SALL2: variants seen among roughly 807,000 people sequenced by gnomAD.
SALL2 encodes sal-like protein 2.
SALL2 carries 32 observed loss-of-function variants against 58.5 expected under a neutral mutation model. That is an observed-to-expected ratio of 0.55 (90% CI 0.41 to 0.74). SALL2 has a LOEUF of 0.74. Among genes scored for constraint, SALL2 ranks in the 30% least tolerant of loss-of-function variants. SALL2 has a pLI of 0.00. For synonymous variants in SALL2, 516 were observed against 513.6 expected (o/e 1.00, Z -0.06); for missense variants, 1,201 against 1,268.9 (o/e 0.95, Z 0.81).
At position 21,521,723 on chromosome 14, in the gene SALL2, C is replaced by A. The variant is rs369198460; in HGVS notation, c.*981G>T. 14 of 365,972 alleles carry A rather than the reference C, an allele frequency of 3.8e-5. No individual in the cohort carries two copies. In the South Asian group the frequency reaches 5.5e-4, roughly 14 times the overall value. The allele number at this position is 365,972 out of a possible 1,614,324, so 22.7% of individuals were successfully genotyped here. On this transcript the variant is annotated 3_prime_UTR_variant, in exon 2 of 2. Coordinates refer to ENST00000537235, the MANE Select transcript of SALL2 (RefSeq NM_001364564.1). The stretch of plus-strand genomic sequence containing the variant: ...TGACCAAAAATGCTCCTTAAAGATA[C>A]GAACTTCACATTTCCCAAATATCTC...
Position 21,525,398 on chromosome 14 carries a change from G to A in SALL2, c.324C>T (p.Pro108=), listed in dbSNP as rs1234751226. Residue 108 remains proline (P), a synonymous_variant, in exon 2 of 2, where the codon CCC becomes CCT. Coordinates refer to ENST00000537235, the MANE Select transcript of SALL2 (RefSeq NM_001364564.1). The surrounding 1 kb of genome is among the most constrained non-coding windows in gnomAD (Gnocchi z 4.4). ...CTCCTCTCCTCTCTGGGCCCCAGGT[G>A]GGATCCGTGGGCACGGAGGACCCAG... The part of the protein sequence containing the change: ...PDSGSSVPTD[P]TWGPERRGEE... 6.2e-7 allele frequency: 1 copy of A among 1,614,064 alleles called. No homozygotes were observed. Among genetic ancestry groups the A allele is most frequent in the Admixed American group, 1.7e-5 (1 of 60,006 alleles).
In SALL2 at chr14:21,522,375, T is replaced by A; in HGVS notation, c.*329A>T. ...GCAATGCCAAATGTAGGTGCTCAGGTGCACCTACCAAAGGGAAAGGGAGAG... is the reference window on the plus strand; with the variant it reads ...GCAATGCCAAATGTAGGTGCTCAGGAGCACCTACCAAAGGGAAAGGGAGAG... On this transcript the variant is annotated 3_prime_UTR_variant, in exon 2 of 2. Coordinates refer to ENST00000537235, the MANE Select transcript of SALL2 (RefSeq NM_001364564.1). 1 of 1,432,652 alleles carries A rather than the reference T, an allele frequency of 7.0e-7. No homozygotes were observed. The highest frequency in any genetic ancestry group is 9.1e-7 in the Non-Finnish European group (1 of 1,096,472). 88.7% of individuals were successfully genotyped at this position (1,432,652 alleles called of 1,614,324 possible). A position where few individuals can be genotyped will look rare whatever the true frequency, so the allele number is the denominator to read the frequency against.
At chr14:21,527,900 C>T (rs958799608), upstream of SALL2, among the ~76,000 whole-genome samples, 2 of 151,132 alleles carry the variant, frequency 1.3e-5, no homozygotes, top group Non-Finnish European at 2.9e-5. Flanking sequence ...GTAATCCCAG[C>T]ACTTTGGGAG....
chr14:21,522,035 A>C lies in SALL2; in HGVS notation c.*669T>G. 1.3e-6 allele frequency: 2 copies of C among 1,594,908 alleles called. No homozygotes were observed. Among genetic ancestry groups the C allele is most frequent in the Non-Finnish European group, 8.5e-7 (1 of 1,178,232 alleles). ...ACTTCTTGTCTATGATGGGCTTCTC[A>C]GGCACTGCCTTGGGTGCAGGAGGCT... is the stretch of plus-strand genomic sequence containing the variant. On this transcript the variant is annotated 3_prime_UTR_variant, in exon 2 of 2. Coordinates refer to ENST00000537235, the MANE Select transcript of SALL2 (RefSeq NM_001364564.1).
At chr14:21,526,547 C>A (rs546140955), upstream of SALL2, 6 of 1,113,364 alleles carry the variant, frequency 5.4e-6, no homozygotes, top group South Asian at 7.1e-5. Context: ...CCAGCTCCCC[C>A]CATCTGCAGA....
upstream of SALL2, among the ~76,000 whole-genome samples, chr14:21,529,662 G>A (rs1892407528): frequency 6.6e-6 from 1 of 151,892 alleles, no homozygotes; most frequent in Non-Finnish European, 1.5e-5. Flanking sequence ...AGAAAAGAAA[G>A]TTTAAGCACA....
At chr14:21,529,941 A>T (rs537043707), upstream of SALL2, among the ~76,000 whole-genome samples, 1 of 152,348 alleles carries the variant, frequency 6.6e-6, no homozygotes, top group East Asian at 1.9e-4. Flanking sequence ...TGACACAATG[A>T]TGAGACCCAC....
In SALL2 at chr14:21,522,330, C is replaced by T. The variant is rs1032118356; in HGVS notation, c.*374G>A. 6.8e-6 allele frequency: 10 copies of T among 1,466,772 alleles called. No individual in the cohort carries two copies. The highest frequency in any genetic ancestry group is 9.0e-6 in the Non-Finnish European group (10 of 1,110,758). The allele number at this position is 1,466,772 out of a possible 1,614,324, so 90.9% of individuals were successfully genotyped here. On this transcript the variant is annotated 3_prime_UTR_variant, in exon 2 of 2. Coordinates refer to ENST00000537235, the MANE Select transcript of SALL2 (RefSeq NM_001364564.1). ...CACTGGGCCCTCCAGAGACAGCTGC[C>T]AGCCCTTTTTGGCTAGGCTGCAATG...
chr14:21,526,411 A>T, upstream of SALL2: 1 of 1,247,096 alleles, frequency 8.0e-7, no homozygotes, highest in Non-Finnish European at 1.0e-6. Flanking sequence ...CGGGAGCTAG[A>T]GGAGGCGGGA....
In SALL2 at chr14:21,524,635, G is replaced by A. The variant is rs763689725; in HGVS notation, c.1087C>T (p.Pro363Ser). The A allele has an allele frequency of 7.4e-6, 12 of 1,614,044 alleles. No homozygotes were observed. The highest frequency in any genetic ancestry group is 1.6e-4 in the Middle Eastern group (1 of 6,084). ...GELSYGEVMG[P>S]LEKPGGRHKC... Reference sequence around the variant, plus strand: ...TGCCTTCCACCAGGCTTCTCCAAGGGACCCATCACTTCTCCGTAGCTCAGC... The same window carrying A: ...TGCCTTCCACCAGGCTTCTCCAAGGAACCCATCACTTCTCCGTAGCTCAGC... The change falls in exon 2 of 2, where the codon CCC (proline) becomes TCC (serine). Residue 363 changes from proline to serine, a missense_variant. Physicochemically the swap from Pro to Ser is moderately conservative, Grantham distance 74. Transcript: ENST00000537235.
At chr14:21,533,855 C>T (rs1008670538) in intron 1 of SALL2, among the ~76,000 whole-genome samples, 2 of 152,118 alleles carry the variant, frequency 1.3e-5, no homozygotes, top group Non-Finnish European at 2.9e-5. Context: ...AGGCAAAAGA[C>T]TCCTGGAAAC....
chr14:21,523,238 T>C lies in SALL2; in HGVS notation c.2484A>G (p.Lys828=), dbSNP rs1394966750. The C allele has an allele frequency of 2.5e-6, 4 of 1,613,858 alleles. No homozygotes were observed. The highest frequency in any genetic ancestry group is 2.5e-6 in the Non-Finnish European group (3 of 1,179,986). Residue 828 remains lysine (K), a synonymous_variant, in exon 2 of 2, where the codon AAA becomes AAG. Transcript: ENST00000537235. This position sits in a 1 kb window ranked among gnomAD's most constrained non-coding sequence, Gnocchi z 4.4. ...TAGKEMDSNE[K]TTQQSSLPPP... is the part of the protein sequence containing the mutation. ...GTGGCAAAGAAGACTGTTGAGTAGT[T>C]TTCTCATTACTGTCCATCTCCTTCC... is the stretch of plus-strand genomic sequence containing the variant.
At position 21,525,371 on chromosome 14, in the gene SALL2, C is replaced by A; in HGVS notation, c.351G>T (p.Glu117Asp). Residue 117 changes from glutamate (E) to aspartate (D), a missense_variant, in exon 2 of 2, where the codon GAG (glutamate) becomes GAT (aspartate). By Grantham distance (45) the Glu-to-Asp change is conservative (BLOSUM62 2). Coordinates refer to ENST00000537235, the MANE Select transcript of SALL2 (RefSeq NM_001364564.1). This position sits in a 1 kb window ranked among gnomAD's most constrained non-coding sequence, Gnocchi z 4.4. ...CGACCAGGAAATGCCCTGAAGACTCCTCTCCTCTCCTCTCTGGGCCCCAGG... is the reference window on the plus strand; with the variant it reads ...CGACCAGGAAATGCCCTGAAGACTCATCTCCTCTCCTCTCTGGGCCCCAGG... ...DPTWGPERRG[E>D]ESSGHFLVAA... The A allele has an allele frequency of 6.2e-7, 1 of 1,607,012 alleles. No homozygotes were observed. The highest frequency in any genetic ancestry group is 8.5e-7 in the Non-Finnish European group (1 of 1,175,208).
At chr14:21,533,325 T>C (rs1486341009) in intron 1 of SALL2, among the ~76,000 whole-genome samples, 3 of 152,182 alleles carry the variant, frequency 2.0e-5, no homozygotes, top group African/African-American at 4.8e-5. Context: ...GAGATGAGGC[T>C]CTTTACTTCC....
chr14:21,525,188 G>T lies in SALL2; in HGVS notation c.534C>A (p.Pro178=). The stretch of plus-strand genomic sequence containing the variant: ...GCACCCGTAGCTCTTCCAAGATCAG[G>T]GGGATATTCAAGTGGCCACTGCCTA... The part of the protein sequence containing the change: ...PGVGSGHLNI[P]LILEELRVLQ... Residue 178 remains proline, a synonymous_variant, in exon 2 of 2, where the codon CCC becomes CCA. Coordinates refer to ENST00000537235, the MANE Select transcript of SALL2 (RefSeq NM_001364564.1). The surrounding 1 kb of genome is among the most constrained non-coding windows in gnomAD (Gnocchi z 4.4). The T allele has an allele frequency of 6.2e-7, 1 of 1,614,044 alleles. No homozygotes were observed. The highest frequency in any genetic ancestry group is 8.5e-7 in the Non-Finnish European group (1 of 1,179,958).
Position 21,524,168 on chromosome 14 carries a change from C to T in SALL2, c.1554G>A (p.Lys518=), listed in dbSNP as rs762170495. Residue 518 remains lysine (K), a synonymous_variant, in exon 2 of 2, where the codon AAG becomes AAA. Transcript: ENST00000537235. The stretch of plus-strand genomic sequence containing the variant: ...GGGGGGTGTTTTCATCAGCTTTATT[C>T]TTGGGTTCCACTGCTTTCATGAGCA... The part of the protein sequence containing the change: ...KFVLMKAVEP[K]NKADENTPPG... 3.7e-6 allele frequency: 6 copies of T among 1,612,358 alleles called. No homozygotes were observed. The East Asian group carries it at 1.3e-4, about 36-fold the overall frequency.
At chr14:21,531,710 CT>C (rs35182575) in intron 1 of SALL2, among the ~76,000 whole-genome samples, 84 of 129,352 alleles carry the variant, frequency 6.5e-4, no homozygotes, top group Middle Eastern at 9.6e-3. Flanking sequence ...CCTGGCCAGC[CT>C]TTTTTTTTTT....
chr14:21,526,018 C>T, intron 1 of SALL2, 43 bp downstream of exon 1: 4 of 1,324,154 alleles, frequency 3.0e-6, no homozygotes, highest in South Asian at 1.3e-5. Flanking sequence ...TGCGCATCCC[C>T]CTCCGCCCCC....
At chr14:21,528,111 C>T (rs900048428), upstream of SALL2, among the ~76,000 whole-genome samples, 7 of 150,400 alleles carry the variant, frequency 4.7e-5, no homozygotes, top group African/African-American at 1.2e-4. Context: ...GCACTCCAGC[C>T]TGGGCAACAA....
Sources: gnomAD v4.1 joint callset for allele counts (sites outside exome capture counted in the v4.1 genomes callset) on GRCh38, gnomAD v4.1.1 for gene constraint, Gnocchi (gnomAD v3.1) non-coding constraint, MANE v1.5 for transcripts, NCBI Gene and HGNC (gene_info 2026-07-23, HGNC 2026-07-21) for gene names.